MSRA: variants seen among roughly 807,000 people sequenced by gnomAD.
MSRA encodes methionine sulfoxide reductase A, also known as mitochondrial peptide methionine sulfoxide reductase.
MSRA carries 54 observed loss-of-function variants against 31.3 expected under a neutral mutation model. The observed-to-expected ratio is 1.73, with a 90% CI of 1.39 to 2.17. The LOEUF (loss-of-function observed/expected upper bound fraction) is 2.17, where lower values mean the gene tolerates loss of function less well. Among genes scored for constraint, MSRA ranks in the 30% most tolerant of loss-of-function variants. MSRA has a pLI of 0.00. For missense variants in MSRA, 507 were observed against 300.9 expected, an observed-to-expected ratio of 1.69 and a Z score of -5.07; for synonymous variants, 169 against 116.5, an observed-to-expected ratio of 1.45 and a Z score of -2.90.
chr8:10,303,441 A>G (rs372284240), intron 4 of MSRA, among the ~76,000 whole-genome samples: 1 of 152,184 alleles, frequency 6.6e-6, no homozygotes, highest in Non-Finnish European at 1.5e-5. Context: ...TTGGCCTTCT[A>G]TGGGCTCTGT....
In MSRA at chr8:10,143,375, C is replaced by T. The variant is rs147020878; in HGVS notation, c.143-64458C>T. Among the ~76,000 whole-genome samples, 280 of 152,230 alleles carry T rather than the reference C, an allele frequency of 1.8e-3. 1 individual carries two copies. The highest frequency in any genetic ancestry group is 4.1e-3 in the African/African-American group (170 of 41,526). On this transcript the variant is annotated intron_variant, in intron 1 of 5. Coordinates refer to ENST00000317173, the MANE Select transcript of MSRA (RefSeq NM_012331.5). ...ATGCTTTCAGAAAAGGGTCCCTTCA[C>T]GGAGTAATTTGCCTGGTATGGCATC...
chr8:10,071,020 G>C (rs561062098), intron 1 of MSRA, among the ~76,000 whole-genome samples: 21 of 152,310 alleles, frequency 1.4e-4, no homozygotes, highest in African/African-American at 4.8e-4. Flanking sequence ...GTGCCCAGGA[G>C]TGCAATTGCT....
Position 10,373,047 on chromosome 8 carries a change from A to C in MSRA, c.543+53058A>C, listed in dbSNP as rs191466647. 2.6e-3 allele frequency among the ~76,000 whole-genome samples: 400 copies of C among 152,208 alleles called. 4 individuals carry two copies. Among genetic ancestry groups the C allele is most frequent in the African/African-American group, 8.9e-3 (368 of 41,530 alleles). On this transcript the variant is annotated intron_variant, in intron 5 of 5. Transcript: ENST00000317173. ...TGGGATTACAGGCATGGCATTTACC[A>C]CACCAGCTAATTTTTGTATTTTTAG...
intron 3 of MSRA, among the ~76,000 whole-genome samples, chr8:10,285,050 T>C (rs1197503110): frequency 2.7e-5 from 4 of 148,566 alleles, no homozygotes; most frequent in Non-Finnish European, 5.9e-5. Context: ...GCTGGAAAAA[T>C]ACACATAACA....
chr8:10,253,762 G>C (rs1246951722), intron 3 of MSRA, among the ~76,000 whole-genome samples: 2 of 152,068 alleles, frequency 1.3e-5, no homozygotes, highest in African/African-American at 4.8e-5. Flanking sequence ...TCAGGGGGTT[G>C]AGCTTCTCCA....
chr8:10,260,499 C>T (rs962299240), intron 3 of MSRA, among the ~76,000 whole-genome samples: 1 of 152,200 alleles, frequency 6.6e-6, no homozygotes, highest in Non-Finnish European at 1.5e-5. Context: ...TTGACAGGCA[C>T]AGATGGACTG....
At chr8:10,332,706 G>A (rs1802777188) in intron 5 of MSRA, among the ~76,000 whole-genome samples, 1 of 152,162 alleles carries the variant, frequency 6.6e-6, no homozygotes. Context: ...ATTACTGTGT[G>A]CTAGACTCCC....
chr8:10,312,631 T>C (rs1801495235), intron 4 of MSRA, among the ~76,000 whole-genome samples: 1 of 152,226 alleles, frequency 6.6e-6, no homozygotes, highest in African/African-American at 2.4e-5. Context: ...CTTATGACTA[T>C]ATTTGCAGAA....
At chr8:10,380,813 G>C (rs1806021751) in intron 5 of MSRA, among the ~76,000 whole-genome samples, 1 of 151,888 alleles carries the variant, frequency 6.6e-6, no homozygotes, top group Non-Finnish European at 1.5e-5. Flanking sequence ...TGGATGGAGG[G>C]TTGGGTGGAG....
At chr8:10,323,745 C>CAT (rs1554526752) in intron 5 of MSRA, among the ~76,000 whole-genome samples, 4 of 142,622 alleles carry the variant, frequency 2.8e-5, no homozygotes, top group South Asian at 2.4e-4. Context: ...GAATTAAATA[C>CAT]GTGTGTGTGT....
At chr8:10,369,446 A>G (rs1805358323) in intron 5 of MSRA, among the ~76,000 whole-genome samples, 1 of 152,230 alleles carries the variant, frequency 6.6e-6, no homozygotes, top group Non-Finnish European at 1.5e-5. Flanking sequence ...TAATTAGAGC[A>G]AACAAAATGC....
chr8:10,419,867 A>G (rs1808705964), intron 5 of MSRA, among the ~76,000 whole-genome samples: 2 of 152,148 alleles, frequency 1.3e-5, no homozygotes, highest in Admixed American at 1.3e-4. Flanking sequence ...GTTGGGCAGG[A>G]GAAAGAATGG....
chr8:10,279,718 G>C (rs1423057660), intron 3 of MSRA, among the ~76,000 whole-genome samples: 2 of 152,154 alleles, frequency 1.3e-5, no homozygotes, highest in East Asian at 3.8e-4. Context: ...GTGAGCTATT[G>C]AGCAACGTCT....
chr8:10,111,484 G>T (rs567307658), intron 1 of MSRA, among the ~76,000 whole-genome samples: 7 of 152,106 alleles, frequency 4.6e-5, no homozygotes, highest in Admixed American at 2.6e-4. Context: ...ATGATTTGTC[G>T]ATCTTTTCCC....
chr8:10,299,751 G>C (rs999208364), intron 3 of MSRA, among the ~76,000 whole-genome samples: 15 of 152,156 alleles, frequency 9.9e-5, no homozygotes, highest in Non-Finnish European at 2.1e-4. Context: ...AATGGTGACT[G>C]AGACTGGCCC....
At chr8:10,255,503 A>C (rs1798129548) in intron 3 of MSRA, among the ~76,000 whole-genome samples, 1 of 152,166 alleles carries the variant, frequency 6.6e-6, no homozygotes, top group Non-Finnish European at 1.5e-5. Context: ...CGGTCCCGGC[A>C]GGTAAGGAGC....
chr8:10,224,302 A>G (rs756355591), intron 2 of MSRA, among the ~76,000 whole-genome samples: 3 of 152,344 alleles, frequency 2.0e-5, no homozygotes, highest in Non-Finnish European at 4.4e-5. Flanking sequence ...TTTGCATGTT[A>G]GAATGATTGC....
intron 1 of MSRA, among the ~76,000 whole-genome samples, chr8:10,077,505 A>G (rs62488696): frequency 8.8e-6 from 1 of 113,220 alleles, no homozygotes; most frequent in Non-Finnish European, 1.8e-5. Context: ...TTTTTTTTAA[A>G]TGAGACAGAG....
At chr8:10,338,339 G>T (rs902603193) in intron 5 of MSRA, among the ~76,000 whole-genome samples, 3 of 152,212 alleles carry the variant, frequency 2.0e-5, no homozygotes, top group African/African-American at 7.2e-5. Context: ...CCAGAGGCCA[G>T]GGTGGAGTGG....
Sources: allele counts gnomAD v4.1 joint callset (sites outside exome capture counted in the v4.1 genomes callset), GRCh38; gene constraint gnomAD v4.1.1; transcripts MANE v1.5; gene names NCBI Gene and HGNC (gene_info 2026-07-23, HGNC 2026-07-21).